AHCTF1: variants seen among roughly 807,000 people sequenced by gnomAD.
The protein encoded by AHCTF1 is AT-hook containing transcription factor 1.
In AHCTF1, 24 loss-of-function variants were observed where a neutral mutation model predicts 248.4. The ratio of observed to expected loss-of-function variants is 0.10; its 90% CI spans 0.07 to 0.14. AHCTF1 has a LOEUF of 0.14. Among genes scored for constraint, AHCTF1 ranks in the 10% least tolerant of loss-of-function variants. The probability of loss-of-function intolerance (pLI) is 1.00; values close to 1 mark genes in which losing one functional copy is unlikely to be tolerated. For synonymous variants in AHCTF1, 786 were observed against 929.8 expected, an observed-to-expected ratio of 0.85 and a Z score of 2.81; for missense variants, 2,206 against 2,636.2, an observed-to-expected ratio of 0.84 and a Z score of 3.57.
intron 4 of AHCTF1, among the ~76,000 whole-genome samples, chr1:246,912,120 G>C (rs1665847289): frequency 6.6e-6 from 1 of 151,940 alleles, no homozygotes; most frequent in African/African-American, 2.4e-5. Flanking sequence ...TTGATAGTTT[G>C]TATCTATTTC....
chr1:246,891,392 T>C (rs924190892), intron 15 of AHCTF1, among the ~76,000 whole-genome samples: 2 of 152,186 alleles, frequency 1.3e-5, no homozygotes, highest in African/African-American at 2.4e-5. Flanking sequence ...CAAACTAGCA[T>C]AGTATCACTA....
At chr1:246,862,291 T>C (rs1572380171) in intron 27 of AHCTF1, 138 bp from the exon 28 acceptor site, 3 of 504,396 alleles carry the variant, frequency 5.9e-6, no homozygotes. Flanking sequence ...CCATCCTGGC[T>C]AACACGGTGA....
At chr1:246,885,754 T>A in intron 20 of AHCTF1, 74 bp from the exon 21 acceptor site, 1 of 1,333,052 alleles carries the variant, frequency 7.5e-7, no homozygotes, top group Non-Finnish European at 1.0e-6. Flanking sequence ...AACCTAACAC[T>A]AAAAACCACA....
chr1:246,894,585 T>C (rs1341528141), intron 14 of AHCTF1, 74 bp downstream of exon 14: 3 of 1,150,592 alleles, frequency 2.6e-6, no homozygotes, highest in African/African-American at 1.6e-5. Flanking sequence ...TTAAAAATTA[T>C]GTACTTAAGA....
intron 12 of AHCTF1, 35 bp downstream of exon 12, chr1:246,898,173 A>T (rs1664730062): frequency 1.2e-6 from 2 of 1,609,558 alleles, no homozygotes; most frequent in South Asian, 2.2e-5. Flanking sequence ...ACGTGATCCA[A>T]CCAAAAGAAA....
At chr1:246,887,521 T>C (rs1663908553) in intron 19 of AHCTF1, among the ~76,000 whole-genome samples, 164 bp from the exon 20 acceptor site, 1 of 152,216 alleles carries the variant, frequency 6.6e-6, no homozygotes, top group Non-Finnish European at 1.5e-5. Context: ...AAGATAGTTT[T>C]AGTAAATGTG....
intron 23 of AHCTF1, 55 bp downstream of exon 23, chr1:246,876,895 G>A: frequency 1.3e-6 from 2 of 1,586,762 alleles, no homozygotes; most frequent in South Asian, 1.1e-5. Context: ...AACCAAAAAA[G>A]CCTCCAGTTT....
At position 246,877,035 on chromosome 1, in the gene AHCTF1, T is replaced by G. The variant is rs780245922; in HGVS notation, c.2852A>C (p.His951Pro). The change falls in exon 23 of 36, where the codon CAT becomes CCT. Residue 951 changes from histidine (H) to proline (P), a missense_variant. His to Pro is a moderately conservative substitution (Grantham distance 77). Coordinates refer to ENST00000648844, the MANE Select transcript of AHCTF1 (RefSeq NM_001323342.2). Reference protein sequence around the residue: ...FLQSSASVQNHEFLLVHHLQR... With the variant: ...FLQSSASVQNPEFLLVHHLQR... ...CAAATGGTGCACTAAAAGGAATTCA[T>G]GATTCTGAACGCTGGCACTGGACTG... 1 of 1,612,196 alleles carries G rather than the reference T, an allele frequency of 6.2e-7. No individual in the cohort carries two copies. Among genetic ancestry groups the G allele is most frequent in the South Asian group, 1.1e-5 (1 of 90,994 alleles).
At position 246,870,065 on chromosome 1, in the gene AHCTF1, T is replaced by C. The variant is rs552355316; in HGVS notation, c.3089-2254A>G. On this transcript the variant is annotated intron_variant, in intron 24 of 35. Coordinates refer to ENST00000648844, the MANE Select transcript of AHCTF1 (RefSeq NM_001323342.2). ...GTTTGTAAGAAGGTGATTCCATCTT[T>C]CATGAATAACTTTTGAGGGCTTCAA... 8.5e-5 allele frequency among the ~76,000 whole-genome samples: 8 copies of C among 94,510 alleles called. No homozygotes were observed. The South Asian group carries it at 1.9e-3, about 22-fold the overall frequency. 62.0% of individuals were successfully genotyped at this position (94,510 alleles called of 152,430 possible).
intron 5 of AHCTF1, 112 bp downstream of exon 5, chr1:246,907,432 CAATCATT>C: frequency 1.2e-6 from 1 of 854,530 alleles, no homozygotes; most frequent in Non-Finnish European, 1.8e-6. Flanking sequence ...ATCATTCATT[CAATCATT>C]AATCTACCCA....
chr1:246,864,160 A>G, intron 26 of AHCTF1, 44 bp from the exon 27 acceptor site: 2 of 1,574,516 alleles, frequency 1.3e-6, no homozygotes, highest in Non-Finnish European at 1.7e-6. Context: ...TGAAAAAACA[A>G]AAGAATTTAG....
intron 1 of AHCTF1, among the ~76,000 whole-genome samples, chr1:246,924,717 AAACTTGATGG>A (rs1184637154): frequency 6.6e-6 from 1 of 152,208 alleles, no homozygotes; most frequent in Admixed American, 6.5e-5. Flanking sequence ...TCCTAGACAA[AAACTTGATGG>A]ACTGCCTCAA....
rs1443233033 is a variant in AHCTF1, at chr1:246,864,237, T to C, written c.3348-121A>G. ...ATAGCCACATGCAAATACAGTCAAGTATATTAATGTAATCCAAAGTGCTAC... is the reference window on the plus strand; with the variant it reads ...ATAGCCACATGCAAATACAGTCAAGCATATTAATGTAATCCAAAGTGCTAC... On this transcript the variant is annotated intron_variant, in intron 26 of 35. Transcript: ENST00000648844. 1.2e-5 allele frequency: 12 copies of C among 980,766 alleles called. No homozygotes were observed. In the Admixed American group the frequency reaches 3.3e-4, roughly 27 times the overall value. The allele number at this position is 980,766 out of a possible 1,614,324, so 60.8% of individuals were successfully genotyped here.
chr1:246,869,032 G>T (rs921256525), intron 24 of AHCTF1, among the ~76,000 whole-genome samples: 4 of 151,284 alleles, frequency 2.6e-5, no homozygotes, highest in South Asian at 2.1e-4. Flanking sequence ...TTTTAGTAGA[G>T]ACGGGGTTTC....
intron 5 of AHCTF1, among the ~76,000 whole-genome samples, chr1:246,906,647 TATAAG>T (rs967238404): frequency 6.6e-6 from 1 of 151,862 alleles, no homozygotes; most frequent in Non-Finnish European, 1.5e-5. Flanking sequence ...ATACACTTCC[TATAAG>T]ATAAATTACT....
At chr1:246,857,896 A>G in intron 29 of AHCTF1, 82 bp from the exon 30 acceptor site, 1 of 1,321,058 alleles carries the variant, frequency 7.6e-7, no homozygotes, top group Non-Finnish European at 1.0e-6. Flanking sequence ...CTTTTTAAAA[A>G]GTTGTTGGGT....
At chr1:246,899,623 T>C (rs1020910161) in intron 10 of AHCTF1, 111 bp from the exon 11 acceptor site, 4 of 689,232 alleles carry the variant, frequency 5.8e-6, no homozygotes, top group Admixed American at 6.8e-5. Flanking sequence ...TTATTACATG[T>C]AATAAATCTT....
chr1:246,850,754 A>G lies in AHCTF1; in HGVS notation c.5252T>C (p.Val1751Ala). ...TRGQRIQNVN[V>A]KSAQQEASAD... ...TGATGCTTCCTGTTGTGCTGATTTG[A>G]CATTCACGTTTTGGATACGTTGACC... The change falls in exon 33 of 36, where the codon GTC (valine) becomes GCC (alanine). Residue 1751 changes from valine to alanine, a missense_variant. Val to Ala is a moderately conservative substitution (Grantham distance 64). Transcript: ENST00000648844. The G allele has an allele frequency of 1.2e-6, 2 of 1,613,738 alleles. No homozygotes were observed. Among genetic ancestry groups the G allele is most frequent in the Admixed American group, 1.7e-5 (1 of 60,000 alleles).
intron 21 of AHCTF1, among the ~76,000 whole-genome samples, chr1:246,884,902 T>TACC (rs1286887223): frequency 3.9e-5 from 6 of 151,914 alleles, no homozygotes; most frequent in Non-Finnish European, 8.8e-5. Flanking sequence ...AATATCAGAG[T>TACC]ACCATTACTG....
Sources: allele counts gnomAD v4.1 joint callset (sites outside exome capture counted in the v4.1 genomes callset), GRCh38; gene constraint gnomAD v4.1.1; transcripts MANE v1.5; gene names NCBI Gene and HGNC (gene_info 2026-07-23, HGNC 2026-07-21).